FNDC1: variants seen among roughly 807,000 people sequenced by gnomAD.
FNDC1 encodes fibronectin type III domain-containing protein 1.
Under a neutral mutation model 168.0 loss-of-function variants are expected in FNDC1, and 96 were observed. The ratio of observed to expected loss-of-function variants is 0.57; its 90% confidence interval spans 0.48 to 0.68. The LOEUF (loss-of-function observed/expected upper bound fraction) is 0.68, where lower values mean the gene tolerates loss of function less well. Ranked by LOEUF, FNDC1 falls within the 30% of genes least tolerant of loss-of-function variation. The pLI, the probability that FNDC1 is intolerant of heterozygous loss-of-function variation, is 0.00. For missense variants in FNDC1, 2,587 were observed against 2,482.1 expected (o/e 1.04, Z -0.90); for synonymous variants, 1,099 against 1,025.9 (o/e 1.07, Z -1.36).
intron 4 of FNDC1, among the ~76,000 whole-genome samples, chr6:159,203,413 A>C (rs1263971838): frequency 1.3e-5 from 2 of 152,160 alleles, no homozygotes; most frequent in Non-Finnish European, 2.9e-5. Flanking sequence ...GAGGAGGAGG[A>C]CCATGCCAGA....
intron 22 of FNDC1, 135 bp from the exon 23 acceptor site, chr6:159,271,192 G>A (rs1777737662): frequency 4.6e-6 from 3 of 654,306 alleles, no homozygotes; most frequent in Non-Finnish European, 8.2e-6. Flanking sequence ...AAATGGTTCA[G>A]TTTATTTGAA....
chr6:159,249,572 G>A (rs1279030033), intron 16 of FNDC1, among the ~76,000 whole-genome samples: 2 of 152,220 alleles, frequency 1.3e-5, no homozygotes, highest in African/African-American at 2.4e-5. Flanking sequence ...AAGGTTAGCC[G>A]CTTACTGAAT....
At chr6:159,187,062 C>T (rs907955095) in intron 1 of FNDC1, among the ~76,000 whole-genome samples, 3 of 152,158 alleles carry the variant, frequency 2.0e-5, no homozygotes, top group East Asian at 1.9e-4. Flanking sequence ...CCAGGAGTGC[C>T]GCTGGCTCCT....
intron 14 of FNDC1, among the ~76,000 whole-genome samples, chr6:159,246,043 C>A (rs1275688340): frequency 3.1e-4 from 1 of 3,198 alleles, no homozygotes; most frequent in Non-Finnish European, 1.5e-3. Context: ...CGTGAGCCAC[C>A]GTGCCCGGCG....
At chr6:159,195,580 G>A (rs553941704) in intron 1 of FNDC1, among the ~76,000 whole-genome samples, 1 of 152,314 alleles carries the variant, frequency 6.6e-6, no homozygotes, top group South Asian at 2.1e-4. Context: ...CATGTTTGTA[G>A]TTGGCTCCAT....
chr6:159,250,700 A>T (rs1777236610), intron 16 of FNDC1, among the ~76,000 whole-genome samples: 1 of 152,220 alleles, frequency 6.6e-6, no homozygotes, highest in Admixed American at 6.5e-5. Context: ...TAAAGTATGT[A>T]GAAAAATCTT....
Position 159,221,691 on chromosome 6 carries a change from T to C in FNDC1, c.761T>C (p.Ile254Thr), listed in dbSNP as rs1244055752. The change falls in exon 6 of 23, where the codon ATT (isoleucine) becomes ACT (threonine). Residue 254 changes from isoleucine to threonine, a missense_variant. Physicochemically the swap from Ile to Thr is moderately conservative, Grantham distance 89. Coordinates refer to ENST00000297267, the MANE Select transcript of FNDC1 (RefSeq NM_032532.3). ...VYRAALTKRK[I>T]SEEDELDVPD... ...AGGGCTGCCCTAACAAAGCGAAAGA[T>C]TTCAGGTATGTTTCTAAGGATGCAT... 2 of 1,613,196 alleles carry C rather than the reference T, an allele frequency of 1.2e-6. No homozygotes were observed. The highest frequency in any genetic ancestry group is 1.7e-6 in the Non-Finnish European group (2 of 1,179,124).
intron 4 of FNDC1, among the ~76,000 whole-genome samples, chr6:159,213,182 G>T (rs1451094173): frequency 6.6e-6 from 1 of 152,238 alleles, no homozygotes; most frequent in Non-Finnish European, 1.5e-5. Flanking sequence ...CAAGGCCAGA[G>T]CCTGGAAGGG....
chr6:159,227,567 G>A (rs1782978216), intron 9 of FNDC1, among the ~76,000 whole-genome samples: 1 of 151,138 alleles, frequency 6.6e-6, no homozygotes, highest in African/African-American at 2.4e-5. Context: ...AAGGAAGGTC[G>A]ATGTGGAACT....
chr6:159,214,822 G>A, intron 4 of FNDC1, 123 bp from the exon 5 acceptor site: 1 of 772,254 alleles, frequency 1.3e-6, no homozygotes, highest in South Asian at 1.7e-5. Context: ...TAGTTACCAA[G>A]AAATGCATGT....
Position 159,231,324 on chromosome 6 carries a change from G to A in FNDC1, c.1370-558G>A, listed in dbSNP as rs1343189195. ...CGGGAAGCGGAGCTTGCAGTGAGCC[G>A]AGATTGCGCCACTGCAGTCCGCAGT... On this transcript the variant is annotated intron_variant, in intron 10 of 22. Coordinates refer to ENST00000297267, the MANE Select transcript of FNDC1 (RefSeq NM_032532.3). 2.0e-4 allele frequency among the ~76,000 whole-genome samples: 6 copies of A among 29,852 alleles called. 2 individuals are homozygous for A. The highest frequency in any genetic ancestry group is 2.7e-4 in the African/African-American group (5 of 18,856). The allele number at this position is 29,852 out of a possible 152,430, so 19.6% of individuals were successfully genotyped here. A position where few individuals can be genotyped will look rare whatever the true frequency, so the allele number is the denominator to read the frequency against.
At chr6:159,215,257 C>A in intron 5 of FNDC1, 106 bp downstream of exon 5, 2 of 965,942 alleles carry the variant, frequency 2.1e-6, no homozygotes, top group Non-Finnish European at 3.2e-6. Flanking sequence ...TTGTAATGTC[C>A]ACTTGCCAGA....
chr6:159,254,432 C>T (rs1345859814), intron 17 of FNDC1, among the ~76,000 whole-genome samples: 1 of 152,114 alleles, frequency 6.6e-6, no homozygotes, highest in Non-Finnish European at 1.5e-5. Context: ...AAATCAGATG[C>T]AAATCGTAAA....
At chr6:159,236,044 G>T (rs146078335) in intron 11 of FNDC1, among the ~76,000 whole-genome samples, 171 bp from the exon 12 acceptor site, 1 of 152,212 alleles carries the variant, frequency 6.6e-6, no homozygotes, top group Admixed American at 6.5e-5. Flanking sequence ...TTGTGGAGAA[G>T]TCATAATTTG....
Position 159,232,811 on chromosome 6 carries a change from G to A in FNDC1, c.2299G>A (p.Val767Ile), listed in dbSNP as rs936557829. ...ATCACGGTCCACCATGTCCTCCTCC[G>A]TCTCTTCTCATCTCTCGTCCAGGAC... ...APSRSTMSSS[V>I]SSHLSSRTQV... Residue 767 changes from valine to isoleucine, a missense_variant, in exon 11 of 23, where the codon GTC (valine) becomes ATC (isoleucine). Physicochemically the swap from Val to Ile is conservative, Grantham distance 29 (BLOSUM62 3). Transcript: ENST00000297267. This position sits in a 1 kb window ranked among gnomAD's most constrained non-coding sequence, Gnocchi z 4.9. 5 of 1,613,820 alleles carry A rather than the reference G, an allele frequency of 3.1e-6. No homozygotes were observed. In the African/African-American group the frequency reaches 4.0e-5, roughly 13 times the overall value.
intron 10 of FNDC1, 70 bp from the exon 11 acceptor site, chr6:159,231,812 A>G (rs1310735683): frequency 1.4e-5 from 19 of 1,333,104 alleles, no homozygotes; most frequent in Non-Finnish European, 1.8e-5. Flanking sequence ...TGTTTTAAAT[A>G]CTGTGTCTCA....
In FNDC1 at chr6:159,266,177, G is replaced by C; in HGVS notation, c.5378G>C (p.Arg1793Pro). The C allele has an allele frequency of 6.2e-7, 1 of 1,614,002 alleles. No homozygotes were observed. Among genetic ancestry groups the C allele is most frequent in the Non-Finnish European group, 8.5e-7 (1 of 1,179,876 alleles). ...GRQYVKRTWY[R>P]KFVGVVLCNS... ...CAATATGTGAAGCGCACGTGGTATC[G>C]AAAGTTCGTGGGAGTTGTTCTTTGT... Residue 1793 changes from arginine to proline, a missense_variant, in exon 21 of 23, where the codon CGA becomes CCA. Coordinates refer to ENST00000297267, the MANE Select transcript of FNDC1 (RefSeq NM_032532.3).
intron 21 of FNDC1, among the ~76,000 whole-genome samples, chr6:159,267,505 CT>C (rs370360223): frequency 0.022 from 3,253 of 148,238 alleles, 117 homozygotes; most frequent in African/African-American, 0.075. Context: ...TTCATCATTC[CT>C]TTTTTTTTTA....
Position 159,271,451 on chromosome 6 carries a change from C to G in FNDC1, c.*9C>G. The stretch of plus-strand genomic sequence containing the variant: ...TCCCTGGAAAGTGGTAATCACAGGA[C>G]CGTCATGCTGCAAGCTTGCCCTGCC... On this transcript the variant is annotated 3_prime_UTR_variant, in exon 23 of 23. Coordinates refer to ENST00000297267, the MANE Select transcript of FNDC1 (RefSeq NM_032532.3). The G allele has an allele frequency of 6.3e-7, 1 of 1,590,202 alleles. No individual in the cohort carries two copies. The highest frequency in any genetic ancestry group is 8.6e-7 in the Non-Finnish European group (1 of 1,164,554).
Sources: gnomAD v4.1 joint callset for allele counts (sites outside exome capture counted in the v4.1 genomes callset) on GRCh38, gnomAD v4.1.1 for gene constraint, Gnocchi (gnomAD v3.1) non-coding constraint, MANE v1.5 for transcripts, NCBI Gene and HGNC (gene_info 2026-07-23, HGNC 2026-07-21) for gene names.